SLCO1B3: variants seen among roughly 807,000 people sequenced by gnomAD.
SLCO1B3 encodes liver-specific organic anion transporter 2.
In SLCO1B3, 72 loss-of-function variants were observed where a neutral mutation model predicts 71.8. The observed-to-expected ratio is 1.00, with a 90% confidence interval of 0.83 to 1.22. The LOEUF is 1.22. SLCO1B3 is among the 50% of genes most tolerant of loss of function. SLCO1B3 has a pLI of 0.00. For synonymous variants in SLCO1B3, 298 were observed against 278.4 expected (o/e 1.07, Z -0.70); for missense variants, 911 against 819.7 (o/e 1.11, Z -1.36).
intron 3 of SLCO1B3, among the ~76,000 whole-genome samples, chr12:20,829,987 CTTTGTGACCTATAT>C (rs1864505927): frequency 6.6e-6 from 1 of 152,144 alleles, no homozygotes; most frequent in Non-Finnish European, 1.5e-5. Context: ...TCAGCAAGGT[CTTTGTGACCTATAT>C]TTTGTGCTGA....
At chr12:20,823,800 G>A (rs1864367674) in intron 3 of SLCO1B3, among the ~76,000 whole-genome samples, 1 of 152,100 alleles carries the variant, frequency 6.6e-6, no homozygotes, top group African/African-American at 2.4e-5. Context: ...TGGAGTTCCT[G>A]GACCAGTCAA....
intron 13 of SLCO1B3, among the ~76,000 whole-genome samples, chr12:20,885,912 G>T (rs1270923539): frequency 6.6e-6 from 1 of 152,022 alleles, no homozygotes; most frequent in African/African-American, 2.4e-5. Context: ...CTCTGACTGT[G>T]CATGACTTGT....
At chr12:20,869,050 G>C (rs947232465) in intron 8 of SLCO1B3, among the ~76,000 whole-genome samples, 3 of 152,180 alleles carry the variant, frequency 2.0e-5, no homozygotes, top group Non-Finnish European at 4.4e-5. Flanking sequence ...GCATCACAGG[G>C]AGATGGTTAG....
intron 15 of SLCO1B3, among the ~76,000 whole-genome samples, chr12:20,909,014 A>G (rs1866311983): frequency 6.6e-6 from 1 of 152,158 alleles, no homozygotes; most frequent in Non-Finnish European, 1.5e-5. Flanking sequence ...ACAATGAATG[A>G]GAGTTTCTAT....
chr12:20,884,873 G>A (rs935235146), intron 13 of SLCO1B3, among the ~76,000 whole-genome samples: 4 of 151,846 alleles, frequency 2.6e-5, no homozygotes, highest in Non-Finnish European at 5.9e-5. Context: ...CACCCTGCCT[G>A]CAAATTTTCT....
intron 3 of SLCO1B3, among the ~76,000 whole-genome samples, chr12:20,826,362 G>A (rs1250508502): frequency 6.6e-6 from 1 of 152,042 alleles, no homozygotes; most frequent in Non-Finnish European, 1.5e-5. Flanking sequence ...AAAGCAGTGG[G>A]ACACAATAAA....
chr12:20,916,099 A>G lies in SLCO1B3; in HGVS notation c.1961A>G (p.Lys654Arg). 2 of 1,613,520 alleles carry G rather than the reference A, an allele frequency of 1.2e-6. No homozygotes were observed. Among genetic ancestry groups the G allele is most frequent in the South Asian group, 2.2e-5 (2 of 91,070 alleles). ...GCTATGAAGAAAAAATTTCAAGGAA[A>G]AGATACCAAGGCATCGGACAATGAA... is the stretch of plus-strand genomic sequence containing the variant. ...IFAMKKKFQG[K>R]DTKASDNERK... Residue 654 changes from lysine (K) to arginine (R), a missense_variant, in exon 16 of 16, where the codon AAA becomes AGA. Transcript: ENST00000381545.
At chr12:20,846,381 G>A (rs1166792386) in intron 3 of SLCO1B3, among the ~76,000 whole-genome samples, 1 of 152,028 alleles carries the variant, frequency 6.6e-6, no homozygotes, top group Non-Finnish European at 1.5e-5. Context: ...TAGTTAGTTA[G>A]TTTCTTTGTT....
intron 15 of SLCO1B3, among the ~76,000 whole-genome samples, chr12:20,905,874 T>C (rs1866233861): frequency 1.3e-5 from 2 of 152,220 alleles, no homozygotes; most frequent in Admixed American, 1.3e-4. Context: ...TCACATATCC[T>C]TATAGCAGTG....
chr12:20,888,675 T>C (rs1865838517), intron 13 of SLCO1B3, among the ~76,000 whole-genome samples: 1 of 151,952 alleles, frequency 6.6e-6, no homozygotes, highest in African/African-American at 2.4e-5. Context: ...TTGGAGACCT[T>C]TTATTCCTTT....
intron 15 of SLCO1B3, chr12:20,902,067 A>G: frequency 7.8e-6 from 2 of 257,014 alleles, no homozygotes; most frequent in South Asian, 7.2e-5. Context: ...TACTCATAGT[A>G]GAATTTCTTT....
Position 20,916,145 on chromosome 12 carries a change from A to G in SLCO1B3, c.2007A>G (p.Ala669=). 1 of 1,613,524 alleles carries G rather than the reference A, an allele frequency of 6.2e-7. No homozygotes were observed. The highest frequency in any genetic ancestry group is 8.5e-7 in the Non-Finnish European group (1 of 1,179,576). The change falls in exon 16 of 16, where the codon GCA becomes GCG. Residue 669 remains alanine, a synonymous_variant. Transcript: ENST00000381545. ...ATGAAAGAAAAGTAATGGATGAAGCAAACTTAGAATTCTTAAATAATGGTG... is the reference window on the plus strand; with the variant it reads ...ATGAAAGAAAAGTAATGGATGAAGCGAACTTAGAATTCTTAAATAATGGTG... ...SDNERKVMDE[A]NLEFLNNGEH...
chr12:20,863,168 G>T (rs112937739), intron 8 of SLCO1B3, among the ~76,000 whole-genome samples: 4 of 152,216 alleles, frequency 2.6e-5, no homozygotes, highest in African/African-American at 9.6e-5. Flanking sequence ...TTTTTCAGTT[G>T]ATGGTGACTT....
chr12:20,909,569 A>G (rs114403293), intron 15 of SLCO1B3, among the ~76,000 whole-genome samples: 1,529 of 151,964 alleles, frequency 0.01, 18 homozygotes, highest in African/African-American at 0.034. Flanking sequence ...TGTTTTTTCT[A>G]TTGTTGAATT....
At chr12:20,899,672 G>A (rs922955744) in intron 14 of SLCO1B3, among the ~76,000 whole-genome samples, 5 of 152,244 alleles carry the variant, frequency 3.3e-5, no homozygotes, top group African/African-American at 4.8e-5. Context: ...ATTCAGAGAC[G>A]ATACCTCACT....
chr12:20,876,349 G>A (rs1407980851), intron 9 of SLCO1B3, among the ~76,000 whole-genome samples: 1 of 152,126 alleles, frequency 6.6e-6, no homozygotes, highest in African/African-American at 2.4e-5. Flanking sequence ...AGATTAGGGA[G>A]AAATGGTGAA....
In SLCO1B3 at chr12:20,855,126, A is replaced by G. The variant is rs1449594756; in HGVS notation, c.183A>G (p.Ile61Met). ...SITQIERRFD[I>M]SSSLAGLIDG... is the part of the protein sequence containing the mutation. The stretch of plus-strand genomic sequence containing the variant: ...CTCAAATAGAAAGGAGATTTGACAT[A>G]TCCTCTTCTCTTGCTGGTTTAATTG... The change falls in exon 4 of 16, where the codon ATA becomes ATG. Residue 61 changes from isoleucine (I) to methionine (M), a missense_variant. Ile to Met is a conservative substitution (Grantham distance 10). Transcript: ENST00000381545. 1.1e-5 allele frequency: 17 copies of G among 1,611,716 alleles called. No individual in the cohort carries two copies. Among genetic ancestry groups the G allele is most frequent in the Non-Finnish European group, 1.4e-5 (17 of 1,178,682 alleles).
chr12:20,903,276 T>A (rs10841697), intron 15 of SLCO1B3, among the ~76,000 whole-genome samples: 2 of 151,832 alleles, frequency 1.3e-5, no homozygotes, highest in Non-Finnish European at 2.9e-5. Flanking sequence ...TGGAGACATG[T>A]CCACAAAAAA....
intron 15 of SLCO1B3, among the ~76,000 whole-genome samples, chr12:20,903,073 C>CAAAA (rs55777703): frequency 0.029 from 3,695 of 128,358 alleles, 133 homozygotes; most frequent in East Asian, 0.099. Flanking sequence ...GATTCCATCT[C>CAAAA]AAAAAAAAAA....
Sources: gnomAD v4.1 joint callset for allele counts (sites outside exome capture counted in the v4.1 genomes callset) on GRCh38, gnomAD v4.1.1 for gene constraint, MANE v1.5 for transcripts, NCBI Gene and HGNC (gene_info 2026-07-23, HGNC 2026-07-21) for gene names.